Variants in NONO observed in about 807,000 individuals in gnomAD.
The protein encoded by NONO is non-POU domain containing octamer binding, also known as non-POU domain-containing octamer-binding protein.
A neutral mutation model predicts 40.2 loss-of-function variants in NONO; 6 were observed. The ratio of observed to expected loss-of-function variants is 0.15; its 90% CI spans 0.08 to 0.29. NONO has a LOEUF of 0.29. Among genes scored for constraint, NONO ranks in the 10% least tolerant of loss-of-function variants. The pLI is 1.00. For synonymous variants in NONO, 89 were observed against 123.3 expected (o/e 0.72, Z 1.85); for missense variants, 133 against 397.8 (o/e 0.33, Z 5.66).
rs1433974357 is a variant in NONO at position 71,296,168 on chromosome X, A to C, written c.651-397A>C. 6.3e-5 allele frequency among the ~76,000 whole-genome samples: 6 copies of C among 95,278 alleles called. No homozygotes were observed. The East Asian group carries it at 1.9e-3, about 30-fold the overall frequency. The allele number at this position is 95,278 out of a possible 115,157, so 82.7% of individuals were successfully genotyped here. On this transcript the variant is annotated intron_variant, in intron 5 of 11. Transcript: ENST00000276079. Reference sequence around the variant, plus strand: ...TTCTTTTTTTTTTTTTTTTTGAGACAGTCTCACTCTGTAGCCCGGGCTAGA... The same window carrying C: ...TTCTTTTTTTTTTTTTTTTTGAGACCGTCTCACTCTGTAGCCCGGGCTAGA...
Sources: gnomAD v4.1 joint callset for allele counts (sites outside exome capture counted in the v4.1 genomes callset) on GRCh38, gnomAD v4.1.1 for gene constraint, MANE v1.5 for transcripts, NCBI Gene and HGNC (gene_info 2026-07-23, HGNC 2026-07-21) for gene names.